The following TFEB variants were observed in gnomAD, a reference collection of about 807,000 sequenced individuals.
TFEB encodes the protein transcription factor EB.
Under a neutral mutation model 48.0 loss-of-function variants are expected in TFEB, and 12 were observed. That is an observed-to-expected ratio of 0.25 (90% CI 0.16 to 0.40). The LOEUF (loss-of-function observed/expected upper bound fraction) is 0.40. TFEB is among the 10% of genes least tolerant of loss of function. The probability of loss-of-function intolerance (pLI) is 1.00; values close to 1 mark genes in which losing one functional copy is unlikely to be tolerated. For missense variants in TFEB, 509 were observed against 640.3 expected (o/e 0.79, Z 2.21); for synonymous variants, 244 against 261.4 (o/e 0.93, Z 0.64).
At chr6:41,698,430 G>C (rs547591457) in intron 1 of TFEB, among the ~76,000 whole-genome samples, 6 of 152,116 alleles carry the variant, frequency 3.9e-5, no homozygotes, top group Non-Finnish European at 8.8e-5. Flanking sequence ...GAGGGTGTCC[G>C]GGATGATGGA....
chr6:41,706,940 G>A (rs918148528), intron 1 of TFEB, among the ~76,000 whole-genome samples: 58 of 152,180 alleles, frequency 3.8e-4, no homozygotes, highest in Non-Finnish European at 4.9e-4. Context: ...GACAGAGCGA[G>A]GAGTGGGGTG....
chr6:41,687,608 C>A, intron 6 of TFEB, 145 bp downstream of exon 6: 2 of 986,306 alleles, frequency 2.0e-6, no homozygotes, highest in South Asian at 3.0e-5. Context: ...TGAGCGACAG[C>A]AATGGGAGGG....
At chr6:41,714,875 C>A (rs1770666680) in intron 1 of TFEB, among the ~76,000 whole-genome samples, 1 of 152,204 alleles carries the variant, frequency 6.6e-6, no homozygotes, top group Admixed American at 6.5e-5. Context: ...CTCCGGGAGT[C>A]CATGCCAAGT....
At chr6:41,722,479 G>T (rs1050653189) in intron 1 of TFEB, among the ~76,000 whole-genome samples, 2 of 152,196 alleles carry the variant, frequency 1.3e-5, no homozygotes, top group Non-Finnish European at 2.9e-5. Context: ...CAGGGGTGTG[G>T]GTGAGGGGCC....
intron 1 of TFEB, among the ~76,000 whole-genome samples, chr6:41,727,520 A>G (rs1370733866): frequency 2.6e-5 from 4 of 152,116 alleles, no homozygotes; most frequent in Non-Finnish European, 5.9e-5. Context: ...GTGAGATCCC[A>G]TCTCTACAGA....
Position 41,691,094 on chromosome 6 carries a change from C to T in TFEB, c.120G>A (p.Gln40=). ...GCGGCCCTCCGAGCTGCTGCTGTTG[C>T]TGCTGCTGCTGCTGCTGCATGTAAT... The part of the protein sequence containing the change: ...VMHYMQQQQQ[Q]QQQQLGGPPT... Residue 40 remains glutamine, a synonymous_variant, in exon 2 of 9, where the codon CAG becomes CAA. Coordinates refer to ENST00000373033, the MANE Select transcript of TFEB (RefSeq NM_001271944.2). The surrounding 1 kb of genome is among the most constrained non-coding windows in gnomAD (Gnocchi z 5.2). 6.4e-7 allele frequency: 1 copy of T among 1,560,102 alleles called. No homozygotes were observed. Among genetic ancestry groups the T allele is most frequent in the Non-Finnish European group, 8.7e-7 (1 of 1,150,240 alleles).
At chr6:41,698,338 G>A (rs1386224094) in intron 1 of TFEB, among the ~76,000 whole-genome samples, 1 of 152,136 alleles carries the variant, frequency 6.6e-6, no homozygotes, top group African/African-American at 2.4e-5. Context: ...GCCACGTTTT[G>A]TTTTAGAAAT....
At chr6:41,736,145 C>G (rs745577964), upstream of TFEB, 17 of 1,612,814 alleles carry the variant, frequency 1.1e-5, no homozygotes, top group African/African-American at 2.0e-4. Context: ...GCCCCACTCA[C>G]CAGCCTGAGC....
chr6:41,735,085 G>T, intron 1 of TFEB: 1 of 984,940 alleles, frequency 1.0e-6, no homozygotes, highest in Non-Finnish European at 1.2e-6. Flanking sequence ...ACATAAGGTC[G>T]CGGAGAAGCC....
At chr6:41,727,935 G>A (rs141281084) in intron 1 of TFEB, among the ~76,000 whole-genome samples, 72 of 152,268 alleles carry the variant, frequency 4.7e-4, no homozygotes, top group African/African-American at 1.7e-3. Context: ...TGTCCAGAAC[G>A]TAGCCTGCAG....
At chr6:41,735,674 C>T, upstream of TFEB, 1 of 625,036 alleles carries the variant, frequency 1.6e-6, no homozygotes, top group Non-Finnish European at 2.0e-6. Flanking sequence ...TCTGCCTCGG[C>T]GCCCACTGGG....
At chr6:41,692,996 G>C (rs1487111377) in intron 1 of TFEB, among the ~76,000 whole-genome samples, 2 of 152,214 alleles carry the variant, frequency 1.3e-5, no homozygotes, top group Non-Finnish European at 2.9e-5. Context: ...TGCTTCAGAA[G>C]ATTGGAGCAC....
intron 7 of TFEB, chr6:41,686,477 G>T: frequency 5.6e-6 from 2 of 356,082 alleles, no homozygotes; most frequent in East Asian, 4.3e-5. Context: ...CTCCTTCCCA[G>T]ACTACCAAGA....
In TFEB at chr6:41,734,915, A is replaced by T; in HGVS notation, c.-23+435T>A. On this transcript the variant is annotated intron_variant, in intron 1 of 8. Coordinates refer to ENST00000373033, the MANE Select transcript of TFEB (RefSeq NM_001271944.2). The surrounding 1 kb of genome is among the most constrained non-coding windows in gnomAD (Gnocchi z 4.0). ...CCTCCCCTACCTCCGACCCCCTCTCAGGCATCGCCGGCCCCAGCCGTGTCC... is the reference window on the plus strand; with the variant it reads ...CCTCCCCTACCTCCGACCCCCTCTCTGGCATCGCCGGCCCCAGCCGTGTCC... 2 of 982,104 alleles carry T rather than the reference A, an allele frequency of 2.0e-6. No individual in the cohort carries two copies. The highest frequency in any genetic ancestry group is 9.5e-5 in the South Asian group (2 of 21,156). 60.8% of individuals were successfully genotyped at this position (982,104 alleles called of 1,614,324 possible). A position where few individuals can be genotyped will look rare whatever the true frequency, so the allele number is the denominator to read the frequency against.
chr6:41,718,428 G>C (rs1357910444), intron 1 of TFEB, among the ~76,000 whole-genome samples: 1 of 152,000 alleles, frequency 6.6e-6, no homozygotes, highest in African/African-American at 2.4e-5. Context: ...GCCCAGGCTG[G>C]TCTTGAACTC....
In TFEB at chr6:41,684,691, A is replaced by T; in HGVS notation, c.1339T>A (p.Ser447Thr). Residue 447 changes from serine (S) to threonine (T), a missense_variant, in exon 9 of 9, where the codon TCT (serine) becomes ACT (threonine). By Grantham distance (58) the Ser-to-Thr change is moderately conservative (BLOSUM62 1). Around this residue, in one of 4 missense-constraint regions of TFEB, gnomAD observed 168 missense variants for 161.0 expected, o/e 1.04. Transcript: ENST00000373033. Reference sequence around the variant, plus strand: ...GACATGGTGGACAGAAGTGGATCAGAGGCCAGCGGTAGCAGTGAGTCGTCC... The same window carrying T: ...GACATGGTGGACAGAAGTGGATCAGTGGCCAGCGGTAGCAGTGAGTCGTCC... ...LLDDSLLPLA[S>T]DPLLSTMSPE... 6.2e-7 allele frequency: 1 copy of T among 1,613,664 alleles called. No homozygotes were observed. The highest frequency in any genetic ancestry group is 1.1e-5 in the South Asian group (1 of 91,032).
At chr6:41,695,170 T>TA (rs951696828) in intron 1 of TFEB, among the ~76,000 whole-genome samples, 7 of 152,226 alleles carry the variant, frequency 4.6e-5, no homozygotes, top group African/African-American at 1.2e-4. Context: ...CAGCACCTGC[T>TA]AATCACAGCA....
At chr6:41,721,452 T>G (rs953078438) in intron 1 of TFEB, among the ~76,000 whole-genome samples, 3 of 151,868 alleles carry the variant, frequency 2.0e-5, no homozygotes, top group Admixed American at 6.6e-5. Flanking sequence ...GCAATACACT[T>G]GAATATTTTC....
intron 1 of TFEB, among the ~76,000 whole-genome samples, chr6:41,718,605 A>C (rs573965340): frequency 4.2e-4 from 64 of 152,008 alleles, no homozygotes; most frequent in African/African-American, 1.5e-3. Flanking sequence ...CAAGGAAAAA[A>C]CTTATGCCCC....
Sources: allele counts gnomAD v4.1 joint callset (sites outside exome capture counted in the v4.1 genomes callset), GRCh38; gene constraint gnomAD v4.1.1; regional missense constraint gnomAD v4.1.1; non-coding constraint Gnocchi (gnomAD v3.1); transcripts MANE v1.5; gene names NCBI Gene and HGNC (gene_info 2026-07-23, HGNC 2026-07-21).